Variants in FSHR observed in about 807,000 individuals in gnomAD.
The protein encoded by FSHR is follicle-stimulating hormone receptor.
In FSHR, 46 loss-of-function variants were observed where a neutral mutation model predicts 52.1. That is an observed-to-expected ratio of 0.88 (90% confidence interval 0.70 to 1.13). The LOEUF is 1.13. Among genes scored for constraint, FSHR ranks in the 50% most tolerant of loss-of-function variants. The pLI is 0.00. For missense variants in FSHR, 964 were observed against 834.6 expected, an observed-to-expected ratio of 1.16 and a Z score of -1.91; for synonymous variants, 399 against 309.6, an observed-to-expected ratio of 1.29 and a Z score of -3.03.
chr2:49,022,368 G>A (rs541716364), intron 2 of FSHR, among the ~76,000 whole-genome samples: 284 of 152,278 alleles, frequency 1.9e-3, no homozygotes, highest in Non-Finnish European at 3.5e-3. Flanking sequence ...ACAGTACCAG[G>A]TGTTAGGGTT....
chr2:49,015,005 G>T (rs1056275592), intron 4 of FSHR: 3 of 418,608 alleles, frequency 7.2e-6, no homozygotes, highest in Admixed American at 3.6e-5. Context: ...AACTAACTGG[G>T]TAACAGGCAC....
rs534001317 is a variant in FSHR at position 49,032,301 on chromosome 2, C to T, written c.225-12141G>A. On this transcript the variant is annotated intron_variant, in intron 2 of 9. Transcript: ENST00000406846. Reference sequence around the variant, plus strand: ...CACCAGCTGCACTTCTGTTTGTAGGCCCCTGAGTGCTGGAGCTGTGGCAAC... The same window carrying T: ...CACCAGCTGCACTTCTGTTTGTAGGTCCCTGAGTGCTGGAGCTGTGGCAAC... Among the ~76,000 whole-genome samples the T allele has an allele frequency of 1.3e-4, 20 of 152,282 alleles. No individual in the cohort carries two copies. The South Asian group carries it at 3.7e-3, about 28-fold the overall frequency.
chr2:49,117,846 C>T (rs971769266), intron 1 of FSHR, among the ~76,000 whole-genome samples: 1 of 152,090 alleles, frequency 6.6e-6, no homozygotes, highest in Non-Finnish European at 1.5e-5. Context: ...TTGTATGTAC[C>T]TCCATAAGCT....
At chr2:48,967,096 C>T (rs1674508304) in intron 9 of FSHR, among the ~76,000 whole-genome samples, 1 of 152,086 alleles carries the variant, frequency 6.6e-6, no homozygotes, top group Non-Finnish European at 1.5e-5. Flanking sequence ...GTGATCTTAA[C>T]ATTTTCTTCT....
At chr2:49,032,514 C>T (rs1668134574) in intron 2 of FSHR, among the ~76,000 whole-genome samples, 1 of 152,200 alleles carries the variant, frequency 6.6e-6, no homozygotes, top group Non-Finnish European at 1.5e-5. Flanking sequence ...GAGCATCTAA[C>T]TTAACAGAAA....
intron 1 of FSHR, among the ~76,000 whole-genome samples, chr2:49,142,780 A>G (rs73928637): frequency 0.039 from 5,959 of 152,212 alleles, 385 homozygotes; most frequent in African/African-American, 0.13. Flanking sequence ...GGTAGGGGAG[A>G]TACGGATAAA....
intron 1 of FSHR, 123 bp from the exon 2 acceptor site, chr2:49,068,413 A>T: frequency 1.2e-6 from 1 of 812,726 alleles, no homozygotes; most frequent in Non-Finnish European, 2.1e-6. Context: ...TAATGTTGAA[A>T]TTGCTTTTAC....
intron 2 of FSHR, among the ~76,000 whole-genome samples, chr2:49,056,091 C>A (rs1274597865): frequency 6.6e-6 from 1 of 151,862 alleles, no homozygotes; most frequent in Non-Finnish European, 1.5e-5. Context: ...AAAGGATATA[C>A]AAAACAAGCA....
At chr2:48,990,699 G>A (rs1217894178) in intron 4 of FSHR, 62 bp from the exon 5 acceptor site, 8 of 977,100 alleles carry the variant, frequency 8.2e-6, no homozygotes, top group Non-Finnish European at 1.3e-5. Context: ...AGTTGTTAGA[G>A]CATGAACTTT....
chr2:49,085,727 A>G (rs569812120), intron 1 of FSHR, among the ~76,000 whole-genome samples: 3 of 152,294 alleles, frequency 2.0e-5, no homozygotes, highest in South Asian at 2.1e-4. Flanking sequence ...ATGTCCAACA[A>G]TGATAGACTG....
At chr2:48,978,075 A>C (rs1675072846) in intron 8 of FSHR, among the ~76,000 whole-genome samples, 1 of 152,218 alleles carries the variant, frequency 6.6e-6, no homozygotes, top group Non-Finnish European at 1.5e-5. Context: ...GAAGAGACTT[A>C]GTAATTTAAA....
At chr2:49,103,362 T>C (rs961546783) in intron 1 of FSHR, among the ~76,000 whole-genome samples, 5 of 152,092 alleles carry the variant, frequency 3.3e-5, no homozygotes, top group Non-Finnish European at 7.4e-5. Context: ...CACTGGCAAA[T>C]CTCTCACAAC....
At chr2:49,091,047 C>T (rs893548125) in intron 1 of FSHR, among the ~76,000 whole-genome samples, 1 of 151,072 alleles carries the variant, frequency 6.6e-6, no homozygotes, top group African/African-American at 2.4e-5. Context: ...CAAATATTAT[C>T]TCCCTATCTG....
intron 1 of FSHR, among the ~76,000 whole-genome samples, chr2:49,125,314 G>A (rs1294505809): frequency 6.9e-6 from 1 of 144,572 alleles, no homozygotes; most frequent in Non-Finnish European, 1.5e-5. Context: ...AATAGCTGGT[G>A]AGCTAAAAAA....
chr2:48,993,831 A>C (rs1053147316), intron 4 of FSHR, among the ~76,000 whole-genome samples: 1 of 152,062 alleles, frequency 6.6e-6, no homozygotes, highest in Non-Finnish European at 1.5e-5. Context: ...TCCATTCTTC[A>C]CCTGGCGAAC....
intron 9 of FSHR, among the ~76,000 whole-genome samples, chr2:48,965,202 G>A (rs1476830959): frequency 6.6e-6 from 1 of 152,078 alleles, no homozygotes; most frequent in African/African-American, 2.4e-5. Context: ...GATGCTAAAG[G>A]ATGAGTCTTG....
At chr2:49,012,629 T>G (rs1667315012) in intron 4 of FSHR, among the ~76,000 whole-genome samples, 2 of 152,140 alleles carry the variant, frequency 1.3e-5, no homozygotes, top group South Asian at 4.1e-4. Context: ...AATCTCCTGC[T>G]TCAGTGGCTG....
chr2:48,968,374 A>G (rs183323319), intron 9 of FSHR, among the ~76,000 whole-genome samples: 26 of 152,334 alleles, frequency 1.7e-4, no homozygotes, highest in Admixed American at 1.3e-3. Context: ...TAAATCTATA[A>G]TGGTACAAAG....
At chr2:49,035,946 A>C (rs764684038) in intron 2 of FSHR, among the ~76,000 whole-genome samples, 9 of 152,220 alleles carry the variant, frequency 5.9e-5, no homozygotes, top group Admixed American at 5.9e-4. Flanking sequence ...TGAGGTCAAC[A>C]TCATTAGCAA....
Sources: allele counts gnomAD v4.1 joint callset (sites outside exome capture counted in the v4.1 genomes callset), GRCh38; gene constraint gnomAD v4.1.1; transcripts MANE v1.5; gene names NCBI Gene and HGNC (gene_info 2026-07-23, HGNC 2026-07-21).